The following GRID2 variants were observed in gnomAD, a reference collection of about 807,000 sequenced individuals.
GRID2 encodes the protein glutamate receptor ionotropic, delta-2.
A neutral mutation model predicts 114.8 loss-of-function variants in GRID2; 33 were observed. That is an observed-to-expected ratio of 0.29 (90% CI 0.22 to 0.38). The LOEUF is 0.38. Ranked by LOEUF, GRID2 falls within the 10% of genes least tolerant of loss-of-function variation. GRID2 has a pLI of 1.00. For synonymous variants in GRID2, 505 were observed against 449.9 expected (o/e 1.12, Z -1.55); for missense variants, 1,184 against 1,257.7 (o/e 0.94, Z 0.89).
At chr4:92,844,401 G>A (rs989185750) in intron 2 of GRID2, among the ~76,000 whole-genome samples, 5 of 151,826 alleles carry the variant, frequency 3.3e-5, no homozygotes, top group South Asian at 2.1e-4. Context: ...TTAGCCAAGC[G>A]TGGTGGCAGG....
Position 92,723,966 on chromosome 4 carries a change from T to C in GRID2, c.244+133680T>C, listed in dbSNP as rs533677948. Among the ~76,000 whole-genome samples the C allele has an allele frequency of 1.1e-4, 17 of 152,304 alleles. No individual in the cohort carries two copies. In the South Asian group the frequency reaches 1.5e-3, roughly 13 times the overall value. On this transcript the variant is annotated intron_variant, in intron 2 of 15. Transcript: ENST00000282020. ...TCGTATTAAATGTTCATAGGGACTT[T>C]TTCTTTTTTCCACTGTGAATTAGAT...
At chr4:92,582,990 C>A (rs569725474) in intron 1 of GRID2, among the ~76,000 whole-genome samples, 105 of 151,744 alleles carry the variant, frequency 6.9e-4, no homozygotes, top group African/African-American at 2.1e-3. Flanking sequence ...CTGTCTCTCT[C>A]TATATATATT....
chr4:93,157,529 A>C (rs558959446), intron 4 of GRID2, among the ~76,000 whole-genome samples: 1 of 151,890 alleles, frequency 6.6e-6, no homozygotes, highest in African/African-American at 2.4e-5. Flanking sequence ...TAGCTTCGAC[A>C]TGCATATGTC....
rs141498165 is a variant in GRID2, at chr4:93,345,730, A to T, written c.1246-49877A>T. ...AAAATCCTTGCCCAGATCAATGTCA[A>T]GAAGCCTTAATTCTATGTTTTCTTC... On this transcript the variant is annotated intron_variant, in intron 8 of 15. Transcript: ENST00000282020. 2.6e-5 allele frequency among the ~76,000 whole-genome samples: 4 copies of T among 152,208 alleles called. No individual in the cohort carries two copies. The East Asian group carries it at 7.7e-4, about 29-fold the overall frequency.
chr4:92,635,928 A>G (rs1181101057), intron 2 of GRID2, among the ~76,000 whole-genome samples: 1 of 152,028 alleles, frequency 6.6e-6, no homozygotes, highest in South Asian at 2.1e-4. Flanking sequence ...GTAAGTGATG[A>G]GCACCTTCTG....
chr4:92,847,047 C>G (rs1743377258), intron 2 of GRID2, among the ~76,000 whole-genome samples: 1 of 152,044 alleles, frequency 6.6e-6, no homozygotes, highest in Admixed American at 6.6e-5. Context: ...TCCATTTTCT[C>G]TCACTATGAT....
At chr4:92,421,623 A>T (rs914705574) in intron 1 of GRID2, among the ~76,000 whole-genome samples, 2 of 152,114 alleles carry the variant, frequency 1.3e-5, no homozygotes, top group African/African-American at 4.8e-5. Flanking sequence ...CTAATAGATG[A>T]GAATAAGAAT....
chr4:92,565,707 A>G (rs1281051741), intron 1 of GRID2, among the ~76,000 whole-genome samples: 1 of 151,986 alleles, frequency 6.6e-6, no homozygotes, highest in Admixed American at 6.6e-5. Context: ...AGTGTGTGCT[A>G]AAGAAAGGAA....
intron 14 of GRID2, among the ~76,000 whole-genome samples, chr4:93,740,823 G>A (rs1731300712): frequency 1.3e-5 from 2 of 151,002 alleles, no homozygotes; most frequent in South Asian, 4.2e-4. Context: ...GGGGGGCAAG[G>A]ATATTTAAAT....
intron 1 of GRID2, among the ~76,000 whole-genome samples, chr4:92,462,854 G>T (rs551359933): frequency 1.3e-5 from 2 of 152,044 alleles, no homozygotes; most frequent in East Asian, 3.9e-4. Context: ...GTCAGAGAAA[G>T]CTCCCTTTTC....
At chr4:93,685,407 C>T (rs1725985879) in intron 14 of GRID2, among the ~76,000 whole-genome samples, 1 of 152,074 alleles carries the variant, frequency 6.6e-6, no homozygotes, top group Non-Finnish European at 1.5e-5. Flanking sequence ...ACTCCTGGAA[C>T]TGAGCCAGGT....
At chr4:92,844,063 ATTAAG>A (rs1183064474) in intron 2 of GRID2, among the ~76,000 whole-genome samples, 1 of 152,176 alleles carries the variant, frequency 6.6e-6, no homozygotes, top group African/African-American at 2.4e-5. Flanking sequence ...TTGATAATCT[ATTAAG>A]TTGACTGTGG....
intron 1 of GRID2, among the ~76,000 whole-genome samples, chr4:92,317,470 C>A (rs1726054831): frequency 6.6e-6 from 1 of 152,156 alleles, no homozygotes. Flanking sequence ...CTATTTTTCT[C>A]CACAAGAGTT....
At chr4:92,379,857 G>A (rs1012384808) in intron 1 of GRID2, among the ~76,000 whole-genome samples, 1 of 151,878 alleles carries the variant, frequency 6.6e-6, no homozygotes, top group Non-Finnish European at 1.5e-5. Context: ...TTTATTCAGT[G>A]TCTTTTAAAT....
At chr4:92,925,056 T>C (rs896567643) in intron 2 of GRID2, among the ~76,000 whole-genome samples, 2 of 151,992 alleles carry the variant, frequency 1.3e-5, no homozygotes, top group African/African-American at 4.8e-5. Context: ...TAAGCAAGGG[T>C]CCAGAATAAA....
chr4:92,914,222 A>G (rs1748613789), intron 2 of GRID2, among the ~76,000 whole-genome samples: 1 of 152,120 alleles, frequency 6.6e-6, no homozygotes, highest in Admixed American at 6.6e-5. Flanking sequence ...CCAATGTTAA[A>G]CAGTCATGCA....
chr4:92,710,182 T>A (rs1332377342), intron 2 of GRID2, among the ~76,000 whole-genome samples: 1 of 152,160 alleles, frequency 6.6e-6, no homozygotes, highest in Non-Finnish European at 1.5e-5. Flanking sequence ...GTGTTTATTG[T>A]TTTGATAGAT....
At chr4:92,863,235 G>A (rs1486284047) in intron 2 of GRID2, among the ~76,000 whole-genome samples, 3 of 151,798 alleles carry the variant, frequency 2.0e-5, no homozygotes, top group Non-Finnish European at 4.4e-5. Context: ...CACACATATC[G>A]TTTGTCCATA....
rs35486818 is a variant in GRID2 at position 93,293,604 on chromosome 4, G to GA, written c.1245+55125dup. Among the ~76,000 whole-genome samples, 459 of 143,452 alleles carry GA rather than the reference G, an allele frequency of 3.2e-3. 1 individual carries two copies. The highest frequency in any genetic ancestry group is 0.018 in the Middle Eastern group (5 of 278). 94.1% of individuals were successfully genotyped at this position (143,452 alleles called of 152,430 possible). A position where few individuals can be genotyped will look rare whatever the true frequency, so the allele number is the denominator to read the frequency against. On this transcript the variant is annotated intron_variant, in intron 8 of 15. Coordinates refer to ENST00000282020, the MANE Select transcript of GRID2 (RefSeq NM_001510.4). ...CATATATCCCGAAAGACACATTATTGAAAAAAAAAAATGCCTACAAAGTAG... is the reference window on the plus strand; with the variant it reads ...CATATATCCCGAAAGACACATTATTGAAAAAAAAAAAATGCCTACAAAGTAG...
Sources: allele counts gnomAD v4.1 joint callset (sites outside exome capture counted in the v4.1 genomes callset), GRCh38; gene constraint gnomAD v4.1.1; transcripts MANE v1.5; gene names NCBI Gene and HGNC (gene_info 2026-07-23, HGNC 2026-07-21).